Variants in MACF1 observed in about 807,000 individuals in gnomAD.
MACF1 encodes the protein microtubule-actin cross-linking factor 1.
MACF1 carries 193 observed loss-of-function variants against 854.8 expected under a neutral mutation model. That is an observed-to-expected ratio of 0.23 (90% CI 0.20 to 0.25). The LOEUF is 0.25. MACF1 is among the 10% of genes least tolerant of loss of function. The pLI is 1.00. For synonymous variants in MACF1, 3,185 were observed against 3,226.7 expected (o/e 0.99, Z 0.44); for missense variants, 7,722 against 8,929.1 (o/e 0.86, Z 5.45).
At chr1:39,420,091 G>A (rs61779300) in intron 58 of MACF1, among the ~76,000 whole-genome samples, 24,311 of 152,230 alleles carry the variant, frequency 0.16, 2,427 homozygotes, top group Middle Eastern at 0.22. Context: ...TATGTGAAAC[G>A]TGGCTAGTGG....
At chr1:39,482,744 A>G (rs1645032751) in intron 99 of MACF1, among the ~76,000 whole-genome samples, 1 of 148,764 alleles carries the variant, frequency 6.7e-6, no homozygotes, top group Non-Finnish European at 1.5e-5. Flanking sequence ...CAGTGAGCCA[A>G]GATTGTGCCA....
intron 1 of MACF1, among the ~76,000 whole-genome samples, chr1:39,215,932 C>CAGGG (rs1465874161): frequency 1.3e-5 from 2 of 152,088 alleles, no homozygotes; most frequent in Non-Finnish European, 2.9e-5. Flanking sequence ...GATCTGGGGT[C>CAGGG]AGGGACCTAA....
Position 39,285,692 on chromosome 1 carries a change from AGCT to A in MACF1, c.1445_1447del (p.Leu482del). On this transcript the variant is annotated inframe_deletion, in exon 14 of 101. Transcript: ENST00000564288. ...CAGGAGTGTGAAGGTCTCATCAGGC[AGCT>A]GCAGGTGGATCTCCAGATCCTGCGG... 3 of 1,614,134 alleles carry A rather than the reference AGCT, an allele frequency of 1.9e-6. No individual in the cohort carries two copies. The highest frequency in any genetic ancestry group is 2.5e-6 in the Non-Finnish European group (3 of 1,180,018).
At chr1:39,104,797 C>T (rs969977991) in intron 2 of MACF1, among the ~76,000 whole-genome samples, 2 of 152,304 alleles carry the variant, frequency 1.3e-5, no homozygotes, top group African/African-American at 4.8e-5. Flanking sequence ...TTTGTGGGCT[C>T]AGTGTCCTCC....
chr1:39,094,410 AAAAAAAGAAAAG>A (rs1442462090), intron 2 of MACF1, among the ~76,000 whole-genome samples: 1 of 151,700 alleles, frequency 6.6e-6, no homozygotes, highest in Non-Finnish European at 1.5e-5. Flanking sequence ...CTCCAAAAAA[AAAAAAAGAAAAG>A]AAAAAAGAAA....
chr1:39,344,884 G>T (rs913727955), intron 40 of MACF1, among the ~76,000 whole-genome samples: 1 of 151,992 alleles, frequency 6.6e-6, no homozygotes, highest in Non-Finnish European at 1.5e-5. Flanking sequence ...CTCTGCTGTC[G>T]CTGCAACCAA....
chr1:39,190,395 G>GTTTTTTTTTTTTTTTTT (rs750262685), intron 2 of MACF1, among the ~76,000 whole-genome samples: 3 of 79,040 alleles, frequency 3.8e-5, no homozygotes, highest in Non-Finnish European at 7.1e-5. Context: ...GTGTGTGTTT[G>GTTTTTTTTTTTTTTTTT]TTTTTGTTTT....
intron 90 of MACF1, 33 bp downstream of exon 90, chr1:39,458,523 CATTCCTGCTAATTGAGGATG>C: frequency 6.3e-7 from 1 of 1,582,122 alleles, no homozygotes; most frequent in Non-Finnish European, 8.6e-7. Context: ...TAGGATGCTT[CATTCCTGCTAATTGAGGATG>C]AGCACTTTCC....
chr1:39,358,099 T>G (rs1345449969), intron 45 of MACF1, among the ~76,000 whole-genome samples: 1 of 152,202 alleles, frequency 6.6e-6, no homozygotes, highest in East Asian at 1.9e-4. Context: ...AGCTAGCTAA[T>G]ACCTAATACC....
intron 38 of MACF1, among the ~76,000 whole-genome samples, chr1:39,338,638 A>G (rs3116395): frequency 0.98 from 149,992 of 152,348 alleles, 73,872 homozygotes; most frequent in East Asian, 1. Flanking sequence ...AATTCAAAGT[A>G]TCTCTTGACT....
chr1:39,278,846 C>T (rs919003225), intron 6 of MACF1, among the ~76,000 whole-genome samples: 15 of 152,142 alleles, frequency 9.9e-5, no homozygotes, highest in Admixed American at 3.3e-4. Flanking sequence ...TCCCCACTAC[C>T]GCCCCTCCCC....
At chr1:39,429,787 G>C (rs1643839512) in intron 64 of MACF1, 40 bp from the exon 65 acceptor site, 2 of 1,601,560 alleles carry the variant, frequency 1.2e-6, no homozygotes, top group Non-Finnish European at 8.5e-7. Context: ...CTCATTCCTA[G>C]GTCTCTTAAA....
intron 1 of MACF1, among the ~76,000 whole-genome samples, chr1:39,210,599 G>A (rs1277869591): frequency 6.6e-6 from 1 of 151,958 alleles, no homozygotes; most frequent in Non-Finnish European, 1.5e-5. Context: ...CTAAGCTCTT[G>A]CTCTTCTGCT....
intron 70 of MACF1, among the ~76,000 whole-genome samples, chr1:39,437,484 G>C (rs1644006982): frequency 6.6e-6 from 1 of 151,696 alleles, no homozygotes; most frequent in African/African-American, 2.4e-5. Flanking sequence ...CTAATTTTTT[G>C]TATTTTTAGT....
intron 21 of MACF1, 135 bp from the exon 22 acceptor site, chr1:39,300,067 TCTTTAAGA>T: frequency 1.3e-6 from 1 of 788,468 alleles, no homozygotes; most frequent in South Asian, 2.1e-5. Context: ...ATTGTCTAAG[TCTTTAAGA>T]TGGCTCCACC....
chr1:39,273,814 T>A (rs923544645), intron 6 of MACF1, among the ~76,000 whole-genome samples: 2 of 152,126 alleles, frequency 1.3e-5, no homozygotes, highest in African/African-American at 4.8e-5. Context: ...ATGGTCTCGA[T>A]CTCCTGACCT....
At chr1:39,144,575 G>T (rs535896652) in intron 2 of MACF1, among the ~76,000 whole-genome samples, 3 of 151,980 alleles carry the variant, frequency 2.0e-5, no homozygotes, top group African/African-American at 7.2e-5. Flanking sequence ...TTCTAACAAC[G>T]TGTGAGGTGT....
rs895559896 is a variant in MACF1, at chr1:39,287,248, A to G, written c.1509-38A>G. On this transcript the variant is annotated intron_variant, in intron 14 of 100. Coordinates refer to ENST00000564288, the MANE Select transcript of MACF1 (RefSeq NM_001394062.1). ...TTTATTTTTAAAAACTATACTATAG[A>G]TTTAAATCCTTTCCTTTTTTCTCTT... The G allele has an allele frequency of 6.3e-6, 10 of 1,596,930 alleles. No individual in the cohort carries two copies. The African/African-American group carries it at 1.1e-4, about 17-fold the overall frequency.
intron 23 of MACF1, among the ~76,000 whole-genome samples, chr1:39,307,818 T>A (rs985217221): frequency 1.3e-5 from 2 of 151,448 alleles, no homozygotes; most frequent in African/African-American, 4.9e-5. Flanking sequence ...GTGGTTCACC[T>A]GCCTTAGCCT....
Sources: allele counts gnomAD v4.1 joint callset (sites outside exome capture counted in the v4.1 genomes callset), GRCh38; gene constraint gnomAD v4.1.1; transcripts MANE v1.5; gene names NCBI Gene and HGNC (gene_info 2026-07-23, HGNC 2026-07-21).